Variants in SPHKAP observed in about 807,000 individuals in gnomAD.
The protein encoded by SPHKAP is SPHK1 interactor, AKAP domain containing.
A neutral mutation model predicts 137.5 loss-of-function variants in SPHKAP; 67 were observed. That is an observed-to-expected ratio of 0.49 (90% CI 0.40 to 0.60). SPHKAP has a LOEUF of 0.60. Among genes scored for constraint, SPHKAP ranks in the 20% least tolerant of loss-of-function variants. The probability of loss-of-function intolerance (pLI) is 0.00; values close to 1 mark genes in which losing one functional copy is unlikely to be tolerated. For missense variants in SPHKAP, 2,097 were observed against 2,069.3 expected (o/e 1.01, Z -0.26); for synonymous variants, 813 against 785.3 (o/e 1.04, Z -0.59).
chr2:228,031,749 C>A (rs571432406), intron 3 of SPHKAP, among the ~76,000 whole-genome samples: 13 of 152,328 alleles, frequency 8.5e-5, no homozygotes, highest in Admixed American at 7.8e-4. Flanking sequence ...TCTGTAGCCA[C>A]CGCTGCTGAT....
intron 1 of SPHKAP, among the ~76,000 whole-genome samples, chr2:228,144,767 CA>C (rs1261321295): frequency 3.2e-4 from 49 of 152,204 alleles, no homozygotes; most frequent in Admixed American, 1.8e-3. Flanking sequence ...ATGAAATTTT[CA>C]ATCTTAATAC....
intron 2 of SPHKAP, among the ~76,000 whole-genome samples, chr2:228,124,527 GAAC>G (rs1348626703): frequency 6.8e-6 from 1 of 146,908 alleles, no homozygotes; most frequent in African/African-American, 2.5e-5. Flanking sequence ...GGTGGGAATT[GAAC>G]AACGAGAACA....
At chr2:228,075,969 C>T (rs554009557) in intron 3 of SPHKAP, among the ~76,000 whole-genome samples, 30 of 152,268 alleles carry the variant, frequency 2.0e-4, no homozygotes, top group African/African-American at 6.0e-4. Context: ...ACAATTCCCT[C>T]GTGTTGTGAG....
rs113303776 is a variant in SPHKAP at position 228,048,340 on chromosome 2, C to CG, written c.247-20798dup. ...GTTATCTGAATACCTTTTGGTGAAACGGGGGGGTGGAGATGGGTGGGGGGT... is the reference window on the plus strand; with the variant it reads ...GTTATCTGAATACCTTTTGGTGAAACGGGGGGGGTGGAGATGGGTGGGGGGT... On this transcript the variant is annotated intron_variant, in intron 3 of 11. Coordinates refer to ENST00000392056, the MANE Select transcript of SPHKAP (RefSeq NM_001142644.2). Among the ~76,000 whole-genome samples the CG allele has an allele frequency of 1.2e-3, 157 of 127,812 alleles. 1 individual carries two copies. Among genetic ancestry groups the CG allele is most frequent in the African/African-American group, 4.1e-3 (133 of 32,698 alleles). The allele number at this position is 127,812 out of a possible 152,430, so 83.8% of individuals were successfully genotyped here.
intron 3 of SPHKAP, among the ~76,000 whole-genome samples, chr2:228,045,223 T>C (rs1695992951): frequency 6.6e-6 from 1 of 150,966 alleles, no homozygotes; most frequent in Non-Finnish European, 1.5e-5. Flanking sequence ...AGAAATACCA[T>C]TTGACCCAGC....
At chr2:228,043,632 T>G (rs1377035943) in intron 3 of SPHKAP, among the ~76,000 whole-genome samples, 1 of 152,190 alleles carries the variant, frequency 6.6e-6, no homozygotes, top group Non-Finnish European at 1.5e-5. Context: ...TGGCCAAGGA[T>G]GTAGTTTTCA....
At chr2:228,105,049 G>A (rs1698297330) in intron 3 of SPHKAP, among the ~76,000 whole-genome samples, 1 of 152,090 alleles carries the variant, frequency 6.6e-6, no homozygotes, top group Non-Finnish European at 1.5e-5. Flanking sequence ...GCTAACTGCA[G>A]CCTTGAACTC....
chr2:228,031,134 A>G (rs1695296050), intron 3 of SPHKAP, among the ~76,000 whole-genome samples: 1 of 152,226 alleles, frequency 6.6e-6, no homozygotes, highest in Non-Finnish European at 1.5e-5. Context: ...AAGGGGTGAC[A>G]GACGGCACCT....
intron 1 of SPHKAP, among the ~76,000 whole-genome samples, chr2:228,147,262 T>C (rs1378013751): frequency 6.6e-6 from 1 of 152,212 alleles, no homozygotes; most frequent in Non-Finnish European, 1.5e-5. Flanking sequence ...ACTCCATGCT[T>C]TTGTCTGTGA....
At chr2:228,120,846 A>G (rs924877951) in intron 2 of SPHKAP, among the ~76,000 whole-genome samples, 1 of 152,222 alleles carries the variant, frequency 6.6e-6, no homozygotes, top group African/African-American at 2.4e-5. Context: ...ACAAAAACAG[A>G]TACACTCAGG....
chr2:228,062,553 T>G (rs553917718), intron 3 of SPHKAP, among the ~76,000 whole-genome samples: 2 of 152,312 alleles, frequency 1.3e-5, no homozygotes, highest in South Asian at 4.1e-4. Flanking sequence ...AACAGTCATT[T>G]TTTTTAAATA....
Position 228,019,303 on chromosome 2 carries a change from T to G in SPHKAP, c.1551A>C (p.Glu517Asp), listed in dbSNP as rs1372068473. ...IGTISSPQAT[E>D]RLKMEQVVSN... ...AGACCACTTGCTCCATTTTGAGTCT[T>G]TCTGTGGCCTGTGGACTGGAAATAG... The change falls in exon 7 of 12, where the codon GAA (glutamate) becomes GAC (aspartate). Residue 517 changes from glutamate to aspartate, a missense_variant. Physicochemically the swap from Glu to Asp is conservative, Grantham distance 45. Transcript: ENST00000392056. 2 of 1,614,072 alleles carry G rather than the reference T, an allele frequency of 1.2e-6. No individual in the cohort carries two copies. The highest frequency in any genetic ancestry group is 1.7e-5 in the Admixed American group (1 of 60,020).
chr2:228,032,528 G>A (rs1042962079), intron 3 of SPHKAP, among the ~76,000 whole-genome samples: 1 of 152,104 alleles, frequency 6.6e-6, no homozygotes, highest in Non-Finnish European at 1.5e-5. Context: ...GAAATACAGA[G>A]AACGCCACAA....
intron 3 of SPHKAP, among the ~76,000 whole-genome samples, chr2:228,072,237 T>C (rs940988680): frequency 6.6e-6 from 1 of 152,248 alleles, no homozygotes; most frequent in African/African-American, 2.4e-5. Context: ...TTCCTGGGTC[T>C]ACAGCCTGCA....
intron 11 of SPHKAP, among the ~76,000 whole-genome samples, chr2:227,989,778 G>T (rs1227400903): frequency 5.4e-4 from 76 of 141,008 alleles, no homozygotes; most frequent in East Asian, 1.5e-3. Flanking sequence ...GCTAATTTTT[G>T]TTTTTTTTTT....
chr2:228,110,502 C>T (rs1698485308), intron 2 of SPHKAP, among the ~76,000 whole-genome samples: 2 of 152,144 alleles, frequency 1.3e-5, no homozygotes, highest in South Asian at 2.1e-4. Flanking sequence ...GGCTAGGGAA[C>T]CTCTCAGTTC....
intron 3 of SPHKAP, among the ~76,000 whole-genome samples, chr2:228,051,583 G>T (rs1436791569): frequency 1.3e-5 from 2 of 152,186 alleles, no homozygotes; most frequent in Admixed American, 6.5e-5. Context: ...GCCTAGGTAA[G>T]CTGCTCCCCT....
chr2:228,122,300 A>T (rs1698934306), intron 2 of SPHKAP, among the ~76,000 whole-genome samples: 1 of 151,832 alleles, frequency 6.6e-6, no homozygotes, highest in Admixed American at 6.6e-5. Flanking sequence ...TTTTTTTTTA[A>T]AAAGAAAAAA....
intron 1 of SPHKAP, among the ~76,000 whole-genome samples, chr2:228,145,277 A>C (rs1277115590): frequency 2.0e-5 from 3 of 152,046 alleles, no homozygotes; most frequent in Non-Finnish European, 4.4e-5. Flanking sequence ...TACTGGTTTC[A>C]TTTTTCTTTA....
Sources: gnomAD v4.1 joint callset for allele counts (sites outside exome capture counted in the v4.1 genomes callset) on GRCh38, gnomAD v4.1.1 for gene constraint, MANE v1.5 for transcripts, NCBI Gene and HGNC (gene_info 2026-07-23, HGNC 2026-07-21) for gene names.